Variants in CTNNA3 observed in about 807,000 individuals in gnomAD.
The protein encoded by CTNNA3 is catenin alpha-3.
Under a neutral mutation model 95.7 loss-of-function variants are expected in CTNNA3, and 76 were observed. The ratio of observed to expected loss-of-function variants is 0.79; its 90% confidence interval spans 0.66 to 0.96. The LOEUF (loss-of-function observed/expected upper bound fraction) is 0.96, where lower values mean the gene tolerates loss of function less well. Ranked by LOEUF, CTNNA3 falls within the 40% of genes least tolerant of loss-of-function variation. The pLI is 0.00. For missense variants in CTNNA3, 1,191 were observed against 1,089.8 expected, an observed-to-expected ratio of 1.09 and a Z score of -1.31; for synonymous variants, 431 against 374.4, an observed-to-expected ratio of 1.15 and a Z score of -1.74.
chr10:67,745,619 C>T (rs868693662), intron 1 of CTNNA3, among the ~76,000 whole-genome samples: 5 of 151,596 alleles, frequency 3.3e-5, no homozygotes, highest in African/African-American at 1.2e-4. Flanking sequence ...ATGTAACAAA[C>T]CTGCACGCTG....
At chr10:66,051,087 A>C (rs990196790) in intron 15 of CTNNA3, among the ~76,000 whole-genome samples, 1 of 152,012 alleles carries the variant, frequency 6.6e-6, no homozygotes, top group African/African-American at 2.4e-5. Flanking sequence ...TGTTGCCCAG[A>C]CTGGTCTTGA....
chr10:67,079,240 G>A (rs1856908072), intron 7 of CTNNA3, among the ~76,000 whole-genome samples: 1 of 152,180 alleles, frequency 6.6e-6, no homozygotes, highest in Non-Finnish European at 1.5e-5. Flanking sequence ...GAAACTCTGT[G>A]TTATAGAACA....
chr10:66,826,993 CA>C (rs1383440106), intron 7 of CTNNA3, among the ~76,000 whole-genome samples: 2 of 152,096 alleles, frequency 1.3e-5, no homozygotes, highest in African/African-American at 4.8e-5. Flanking sequence ...TATGATTTTC[CA>C]AAAATTGACT....
intron 3 of CTNNA3, among the ~76,000 whole-genome samples, chr10:67,584,936 C>T (rs959552241): frequency 3.9e-5 from 6 of 152,168 alleles, no homozygotes; most frequent in Non-Finnish European, 7.3e-5. Flanking sequence ...TTTGGGTGGG[C>T]GTGTCCTGAT....
chr10:67,237,173 T>TATATATATATATATATACAC (rs1554810783), intron 5 of CTNNA3, among the ~76,000 whole-genome samples: 1 of 112,818 alleles, frequency 8.9e-6, no homozygotes, highest in African/African-American at 3.4e-5. Flanking sequence ...TATATATATA[T>TATATATATATATATATACAC]ACACACACAA....
chr10:65,929,130 G>T lies in CTNNA3; in HGVS notation c.2401-8513C>A, dbSNP rs188519279. Among the ~76,000 whole-genome samples, 77 of 151,074 alleles carry T rather than the reference G, an allele frequency of 5.1e-4. 1 individual carries two copies. The highest frequency in any genetic ancestry group is 1.8e-3 in the African/African-American group (75 of 41,090). Reference sequence around the variant, plus strand: ...TATGAGTGAGAACATGTGGTGTTTGGTTTTTTGTCCTTGCGATAGTTTACT... The same window carrying T: ...TATGAGTGAGAACATGTGGTGTTTGTTTTTTTGTCCTTGCGATAGTTTACT... On this transcript the variant is annotated intron_variant, in intron 17 of 17. Transcript: ENST00000433211.
intron 13 of CTNNA3, among the ~76,000 whole-genome samples, chr10:66,208,739 T>C (rs1258820957): frequency 1.3e-5 from 2 of 152,062 alleles, no homozygotes; most frequent in Non-Finnish European, 2.9e-5. Context: ...TTCAAATATA[T>C]AATTAAACAT....
At chr10:66,188,237 C>G (rs933080556) in intron 13 of CTNNA3, among the ~76,000 whole-genome samples, 1 of 152,026 alleles carries the variant, frequency 6.6e-6, no homozygotes, top group Non-Finnish European at 1.5e-5. Flanking sequence ...GCCCCAGAAA[C>G]CTAAAAGATA....
chr10:67,672,252 G>A (rs1840451384), intron 1 of CTNNA3, among the ~76,000 whole-genome samples: 2 of 152,064 alleles, frequency 1.3e-5, no homozygotes, highest in South Asian at 4.2e-4. Context: ...GTAGATTCTG[G>A]GTATTAGCCC....
At chr10:67,057,157 T>C (rs1250479026) in intron 7 of CTNNA3, among the ~76,000 whole-genome samples, 1 of 152,202 alleles carries the variant, frequency 6.6e-6, no homozygotes, top group Non-Finnish European at 1.5e-5. Flanking sequence ...TGAGATATAA[T>C]TGACAAATAG....
intron 5 of CTNNA3, among the ~76,000 whole-genome samples, chr10:67,375,199 A>G (rs1432398099): frequency 6.6e-6 from 1 of 152,218 alleles, no homozygotes; most frequent in Non-Finnish European, 1.5e-5. Context: ...CAAGTTTTTA[A>G]TGGTAAACAC....
At chr10:66,431,704 A>G (rs894686619) in intron 11 of CTNNA3, among the ~76,000 whole-genome samples, 7 of 139,776 alleles carry the variant, frequency 5.0e-5, no homozygotes, top group Admixed American at 3.3e-4. Context: ...CAATGAGAAC[A>G]CTTGGACACA....
At chr10:66,326,537 ATGC>A (rs1242910971) in intron 12 of CTNNA3, among the ~76,000 whole-genome samples, 2 of 152,122 alleles carry the variant, frequency 1.3e-5, no homozygotes, top group Admixed American at 6.5e-5. Context: ...TGTATATAAA[ATGC>A]TGCATAAGTT....
chr10:67,425,580 C>T (rs1351316944), intron 5 of CTNNA3, among the ~76,000 whole-genome samples: 3 of 151,918 alleles, frequency 2.0e-5, no homozygotes, highest in Admixed American at 1.3e-4. Flanking sequence ...ATTTACTTTT[C>T]CTTTATTTGC....
intron 7 of CTNNA3, among the ~76,000 whole-genome samples, chr10:67,016,171 T>C (rs1023007708): frequency 5.3e-5 from 8 of 152,180 alleles, no homozygotes; most frequent in African/African-American, 1.9e-4. Flanking sequence ...CATGAGTTTA[T>C]CCACTGTTCC....
intron 13 of CTNNA3, among the ~76,000 whole-genome samples, chr10:66,267,415 G>A (rs993156324): frequency 1.3e-5 from 2 of 152,046 alleles, no homozygotes; most frequent in African/African-American, 4.8e-5. Context: ...CTACATCTTT[G>A]CATAATTTTC....
intron 15 of CTNNA3, among the ~76,000 whole-genome samples, chr10:66,063,254 C>G (rs1277232755): frequency 7.1e-6 from 1 of 140,206 alleles, no homozygotes. Context: ...ATAGATAGAT[C>G]TATATATAGA....
intron 5 of CTNNA3, among the ~76,000 whole-genome samples, chr10:67,351,520 A>G (rs889030251): frequency 2.6e-5 from 4 of 152,016 alleles, no homozygotes; most frequent in Non-Finnish European, 5.9e-5. Context: ...ACCAAGCTAT[A>G]ATTTTTTAAA....
intron 7 of CTNNA3, among the ~76,000 whole-genome samples, chr10:67,028,394 G>C (rs1419281548): frequency 6.6e-6 from 1 of 151,774 alleles, no homozygotes; most frequent in Non-Finnish European, 1.5e-5. Context: ...ATGACTTCCA[G>C]TATTTAACAT....
Sources: gnomAD v4.1 joint callset for allele counts (sites outside exome capture counted in the v4.1 genomes callset) on GRCh38, gnomAD v4.1.1 for gene constraint, MANE v1.5 for transcripts, NCBI Gene and HGNC (gene_info 2026-07-23, HGNC 2026-07-21) for gene names.